Variants in ZSCAN25 observed in about 807,000 individuals in gnomAD.
ZSCAN25 encodes the protein zinc finger and SCAN domain-containing protein 25.
A neutral mutation model predicts 38.7 loss-of-function variants in ZSCAN25; 27 were observed. The ratio of observed to expected loss-of-function variants is 0.70; its 90% CI spans 0.51 to 0.96. ZSCAN25 has a LOEUF of 0.96. ZSCAN25 is among the 40% of genes least tolerant of loss of function. ZSCAN25 has a pLI of 0.00. For missense variants in ZSCAN25, 637 were observed against 705.9 expected, an observed-to-expected ratio of 0.90 and a Z score of 1.11; for synonymous variants, 273 against 277.7, an observed-to-expected ratio of 0.98 and a Z score of 0.17.
At chr7:99,734,874 G>T in the ZSCAN25 span, 1 of 1,188,364 alleles carries the variant, frequency 8.4e-7, no homozygotes, top group Non-Finnish European at 1.2e-6. Context: ...CACCTGCTCA[G>T]CATCCCAAAG....
chr7:99,725,610 T>A, the ZSCAN25 span, among the ~76,000 whole-genome samples: 1 of 152,236 alleles, frequency 6.6e-6, no homozygotes, highest in Non-Finnish European at 1.5e-5. Flanking sequence ...CCGTGCCCTG[T>A]CTGTGTGGGC....
chr7:99,734,626 CTT>C, the ZSCAN25 span, among the ~76,000 whole-genome samples: 5 of 140,848 alleles, frequency 3.5e-5, no homozygotes, highest in Non-Finnish European at 4.7e-5. Context: ...TTTTTTTTCT[CTT>C]TTTTTTTTTT....
rs747826547 is a variant in ZSCAN25, at chr7:99,631,691, A to G, written c.*1671A>G. Reference sequence around the variant, plus strand: ...AACACAAAGCTGTATTACTCAGCCCACTTTGAAACGTGGTTTTATCACCTG... The same window carrying G: ...AACACAAAGCTGTATTACTCAGCCCGCTTTGAAACGTGGTTTTATCACCTG... On this transcript the variant is annotated 3_prime_UTR_variant, in exon 8 of 8. Transcript: ENST00000394152. 32 of 985,124 alleles carry G rather than the reference A, an allele frequency of 3.2e-5. No individual in the cohort carries two copies. Among genetic ancestry groups the G allele is most frequent in the African/African-American group, 3.5e-5 (2 of 57,156 alleles). 61.0% of individuals were successfully genotyped at this position (985,124 alleles called of 1,614,324 possible).
At position 99,619,843 on chromosome 7, in the gene ZSCAN25, G is replaced by A. The variant is rs781207405; in HGVS notation, c.237G>A (p.Glu79=). The part of the protein sequence containing the change: ...RWLRPELHTK[E]QILELLVLEQ... The stretch of plus-strand genomic sequence containing the variant: ...TGAGGCCCGAGTTGCACACCAAGGA[G>A]CAGATCCTGGAGCTGCTGGTGCTGG... The change falls in exon 4 of 8, where the codon GAG becomes GAA. Residue 79 remains glutamate (E), a synonymous_variant. Transcript: ENST00000394152. The A allele has an allele frequency of 1.2e-6, 2 of 1,614,120 alleles. No individual in the cohort carries two copies.
downstream of ZSCAN25, among the ~76,000 whole-genome samples, chr7:99,636,445 A>AT (rs900226403): frequency 3.7e-4 from 56 of 152,120 alleles, no homozygotes; most frequent in African/African-American, 1.3e-3. Context: ...TAAATAGTTC[A>AT]TTTTTTTTAT....
the ZSCAN25 span, among the ~76,000 whole-genome samples, chr7:99,656,705 T>C: frequency 2.0e-5 from 3 of 152,334 alleles, no homozygotes; most frequent in South Asian, 6.2e-4. Context: ...TGAATCCATC[T>C]GGTCCTGGAC....
At chr7:99,725,766 C>T in the ZSCAN25 span, among the ~76,000 whole-genome samples, 1 of 152,158 alleles carries the variant, frequency 6.6e-6, no homozygotes, top group African/African-American at 2.4e-5. Flanking sequence ...ACCTCGGAAG[C>T]CCCCCGGAGA....
chr7:99,696,927 T>C, the ZSCAN25 span, among the ~76,000 whole-genome samples: 1 of 152,208 alleles, frequency 6.6e-6, no homozygotes, highest in South Asian at 2.1e-4. Flanking sequence ...CTCTCTTGCT[T>C]CTGCTCCAGC....
At chr7:99,636,255 C>T (rs1326333835), downstream of ZSCAN25, among the ~76,000 whole-genome samples, 3 of 151,994 alleles carry the variant, frequency 2.0e-5, no homozygotes. Flanking sequence ...AGAAAGCAAC[C>T]AGTGTTCTTA....
the ZSCAN25 span, among the ~76,000 whole-genome samples, chr7:99,691,528 C>T: frequency 6.6e-6 from 1 of 152,280 alleles, no homozygotes; most frequent in South Asian, 2.1e-4. Context: ...TGTGTGGAGT[C>T]TAAGTCTCTT....
chr7:99,664,562 A>G, the ZSCAN25 span, among the ~76,000 whole-genome samples: 1 of 152,252 alleles, frequency 6.6e-6, no homozygotes. Flanking sequence ...AAGTTAAACA[A>G]TACAGTTTTA....
the ZSCAN25 span, chr7:99,731,025 TAAG>T: frequency 1.2e-5 from 20 of 1,612,030 alleles, no homozygotes; most frequent in Non-Finnish European, 1.7e-5. Context: ...TTTGCAATCA[TAAG>T]AAGCAAAAGA....
the ZSCAN25 span, among the ~76,000 whole-genome samples, chr7:99,704,219 A>G: frequency 6.6e-6 from 1 of 152,306 alleles, no homozygotes; most frequent in Middle Eastern, 3.4e-3. Flanking sequence ...AGATGGGCTG[A>G]AAACATTAAA....
At chr7:99,720,530 C>T in the ZSCAN25 span, 2 of 1,126,510 alleles carry the variant, frequency 1.8e-6, no homozygotes, top group East Asian at 2.5e-5. Context: ...GTACAATACA[C>T]AGTAATCTTA....
the ZSCAN25 span, chr7:99,731,034 A>G: frequency 2.5e-6 from 4 of 1,613,318 alleles, no homozygotes; most frequent in Non-Finnish European, 3.4e-6. Flanking sequence ...ATAAGAAGCA[A>G]AAGAGGAAGC....
chr7:99,617,274 TTGGCTTAGTGCAGGGC>T (rs1806548847), intron 1 of ZSCAN25, among the ~76,000 whole-genome samples: 1 of 152,222 alleles, frequency 6.6e-6, no homozygotes, highest in Non-Finnish European at 1.5e-5. Flanking sequence ...TCTGCCAGGC[TTGGCTTAGTGCAGGGC>T]TGGCCACGAA....
chr7:99,677,290 T>C, the ZSCAN25 span: 1 of 978,112 alleles, frequency 1.0e-6, no homozygotes, highest in Non-Finnish European at 1.2e-6. Context: ...CTGATTCAGC[T>C]GTGAAGCTGC....
chr7:99,709,963 A>G, the ZSCAN25 span, among the ~76,000 whole-genome samples: 1 of 152,188 alleles, frequency 6.6e-6, no homozygotes, highest in Non-Finnish European at 1.5e-5. Context: ...AGAGCATGTG[A>G]TTTCAGTGCC....
the ZSCAN25 span, among the ~76,000 whole-genome samples, chr7:99,690,685 T>C: frequency 6.6e-6 from 1 of 151,900 alleles, no homozygotes; most frequent in Non-Finnish European, 1.5e-5. Context: ...AACAGACACA[T>C]GAAAAAATGC....
Sources: gnomAD v4.1 joint callset for allele counts (sites outside exome capture counted in the v4.1 genomes callset) on GRCh38, gnomAD v4.1.1 for gene constraint, MANE v1.5 for transcripts, NCBI Gene and HGNC (gene_info 2026-07-23, HGNC 2026-07-21) for gene names.